The following KLHL24 variants were observed in gnomAD, a reference collection of about 807,000 sequenced individuals.
KLHL24 encodes kelch-like protein 24.
In KLHL24, 29 loss-of-function variants were observed where a neutral mutation model predicts 53.4. That is an observed-to-expected ratio of 0.54 (90% CI 0.40 to 0.74). KLHL24 has a LOEUF of 0.74. Among genes scored for constraint, KLHL24 ranks in the 30% least tolerant of loss-of-function variants. The pLI is 0.00. For missense variants in KLHL24, 504 were observed against 744.0 expected (o/e 0.68, Z 3.75); for synonymous variants, 222 against 253.7 (o/e 0.88, Z 1.19).
At chr3:183,667,492 T>C (rs1230655980) in intron 5 of KLHL24, among the ~76,000 whole-genome samples, 3 of 152,108 alleles carry the variant, frequency 2.0e-5, no homozygotes, top group Non-Finnish European at 2.9e-5. Context: ...CATAGGAGCA[T>C]GGACAGCACA....
intron 2 of KLHL24, among the ~76,000 whole-genome samples, chr3:183,649,755 G>A (rs1717869816): frequency 6.6e-6 from 1 of 151,932 alleles, no homozygotes; most frequent in South Asian, 2.1e-4. Context: ...AAATAGCCAG[G>A]CATGGTGGTA....
intron 3 of KLHL24, among the ~76,000 whole-genome samples, chr3:183,652,427 G>A (rs961562811): frequency 6.6e-6 from 1 of 151,816 alleles, no homozygotes; most frequent in African/African-American, 2.4e-5. Context: ...GCTAATGTTG[G>A]TGTTGGTTTT....
Position 183,650,509 on chromosome 3 carries a change from CA to C in KLHL24, c.154del (p.Ile52TyrfsTer62). 6.2e-7 allele frequency: 1 copy of C among 1,614,116 alleles called. No homozygotes were observed. The highest frequency in any genetic ancestry group is 8.5e-7 in the Non-Finnish European group (1 of 1,180,006). Reference sequence around the variant, plus strand: ...CTTCAGGATCATCCCATGCCGAAAACATACTCCAGATATTTAATGAATTTCG... The same window carrying C: ...CTTCAGGATCATCCCATGCCGAAAACTACTCCAGATATTTAATGAATTTCG... Reference protein sequence around the residue: ...FSSGSSHAENILQIFNEFRDS... With the variant: ...FSSGSSHAENXLQIFNEFRDS... On this transcript the variant is annotated frameshift_variant, in exon 3 of 8. Coordinates refer to ENST00000242810, the MANE Select transcript of KLHL24 (RefSeq NM_017644.3). LOFTEE classifies it high-confidence loss of function. The surrounding 1 kb of genome is among the most constrained non-coding windows in gnomAD (Gnocchi z 4.5).
intron 1 of KLHL24, chr3:183,636,726 T>C (rs1023326319): frequency 6.6e-6 from 1 of 152,160 alleles, no homozygotes; most frequent in African/African-American, 2.4e-5. Context: ...TGGGCCATTC[T>C]TCCCGCCCCC....
chr3:183,639,323 T>C (rs985038048), intron 1 of KLHL24, among the ~76,000 whole-genome samples: 1 of 151,748 alleles, frequency 6.6e-6, no homozygotes, highest in African/African-American at 2.4e-5. Flanking sequence ...AGAGAAGTCA[T>C]GTAAAATATT....
intron 1 of KLHL24, among the ~76,000 whole-genome samples, chr3:183,640,697 T>C (rs1208374920): frequency 6.6e-6 from 1 of 151,814 alleles, no homozygotes; most frequent in African/African-American, 2.4e-5. Flanking sequence ...CCTCCTGGGT[T>C]CAAGCATTTC....
At position 183,679,192 on chromosome 3, in the gene KLHL24, G is replaced by A. The variant is rs771729294; in HGVS notation, c.1709G>A (p.Ser570Asn). 1 of 1,613,828 alleles carries A rather than the reference G, an allele frequency of 6.2e-7. No individual in the cohort carries two copies. Among genetic ancestry groups the A allele is most frequent in the East Asian group, 2.2e-5 (1 of 44,894 alleles). The change falls in exon 8 of 8, where the codon AGT becomes AAT. Residue 570 changes from serine (S) to asparagine (N), a missense_variant. Coordinates refer to ENST00000242810, the MANE Select transcript of KLHL24 (RefSeq NM_017644.3). ...ATTCTCTGTTATGATCCTGCAACAA[G>A]TATCATCACAGGGGTAGCTGCAATG... is the stretch of plus-strand genomic sequence containing the variant. ...DTILCYDPAT[S>N]IITGVAAMPR...
At chr3:183,637,617 A>G (rs9858528) in intron 1 of KLHL24, among the ~76,000 whole-genome samples, 51,162 of 152,042 alleles carry the variant, frequency 0.34, 9,505 homozygotes, top group East Asian at 0.51. Flanking sequence ...TTCTGCAGAT[A>G]TAGGAATTCA....
Position 183,683,663 on chromosome 3 carries a change from G to A in KLHL24, c.*4377G>A, listed in dbSNP as rs1344257542. 3 of 152,490 alleles carry A rather than the reference G, an allele frequency of 2.0e-5. No homozygotes were observed. The highest frequency in any genetic ancestry group is 2.9e-5 in the Non-Finnish European group (2 of 68,010). 9.4% of individuals were successfully genotyped at this position (152,490 alleles called of 1,614,324 possible). On this transcript the variant is annotated 3_prime_UTR_variant, in exon 8 of 8. Transcript: ENST00000242810. ...TTGCCTTAGATATTAAATTTTCCTAGTGCTGATAAAAACAGCAACATTCAT... is the reference window on the plus strand; with the variant it reads ...TTGCCTTAGATATTAAATTTTCCTAATGCTGATAAAAACAGCAACATTCAT...
chr3:183,654,347 A>G (rs1718558879), intron 3 of KLHL24, among the ~76,000 whole-genome samples: 1 of 152,112 alleles, frequency 6.6e-6, no homozygotes, highest in Non-Finnish European at 1.5e-5. Context: ...GTACTTGCCT[A>G]GGTGACCTTA....
chr3:183,664,813 A>G, intron 4 of KLHL24, 108 bp from the exon 5 acceptor site: 1 of 540,370 alleles, frequency 1.9e-6, no homozygotes, highest in South Asian at 4.3e-5. Context: ...TTCTTGAATT[A>G]GATGAATGAA....
At position 183,643,537 on chromosome 3, in the gene KLHL24, A is replaced by G. The variant is rs907796551; in HGVS notation, c.-67A>G. On this transcript the variant is annotated 5_prime_UTR_variant, in exon 2 of 8. Coordinates refer to ENST00000242810, the MANE Select transcript of KLHL24 (RefSeq NM_017644.3). ...CTGGGGCTTTGATCAACCAAATGCT[A>G]AAAAGGTATATTTGTAATATTTATA... is the stretch of plus-strand genomic sequence containing the variant. The G allele has an allele frequency of 6.6e-6, 1 of 152,226 alleles. No individual in the cohort carries two copies. Among genetic ancestry groups the G allele is most frequent in the Non-Finnish European group, 1.5e-5 (1 of 68,046 alleles). 9.4% of individuals were successfully genotyped at this position (152,226 alleles called of 1,614,324 possible). A position where few individuals can be genotyped will look rare whatever the true frequency, so the allele number is the denominator to read the frequency against.
chr3:183,679,199 C>A lies in KLHL24; in HGVS notation c.1716C>A (p.Ile572=), dbSNP rs1712421694. 1 of 1,613,288 alleles carries A rather than the reference C, an allele frequency of 6.2e-7. No individual in the cohort carries two copies. The highest frequency in any genetic ancestry group is 1.1e-5 in the South Asian group (1 of 91,056). Residue 572 remains isoleucine (I), a synonymous_variant, in exon 8 of 8, where the codon ATC becomes ATA. Transcript: ENST00000242810. ...ILCYDPATSI[I]TGVAAMPRPV... ...GTTATGATCCTGCAACAAGTATCAT[C>A]ACAGGGGTAGCTGCAATGCCCAGGC... is the stretch of plus-strand genomic sequence containing the variant.
intron 3 of KLHL24, among the ~76,000 whole-genome samples, chr3:183,653,187 A>G (rs1718370761): frequency 6.6e-6 from 1 of 152,234 alleles, no homozygotes; most frequent in African/African-American, 2.4e-5. Flanking sequence ...AAACCAAACT[A>G]TAGTTCTGTT....
At chr3:183,638,244 CAG>C (rs1715689469) in intron 1 of KLHL24, among the ~76,000 whole-genome samples, 1 of 152,214 alleles carries the variant, frequency 6.6e-6, no homozygotes, top group South Asian at 2.1e-4. Flanking sequence ...AGTCTCTAAA[CAG>C]GAAGAAGAAA....
chr3:183,641,934 A>G (rs900313991), intron 1 of KLHL24, among the ~76,000 whole-genome samples: 1 of 152,210 alleles, frequency 6.6e-6, no homozygotes, highest in Non-Finnish European at 1.5e-5. Flanking sequence ...CTAAAAATCC[A>G]TAGAAAATGT....
At chr3:183,643,245 A>C (rs1716739666) in intron 1 of KLHL24, 1 of 152,232 alleles carries the variant, frequency 6.6e-6, no homozygotes, top group Non-Finnish European at 1.5e-5. Flanking sequence ...AACAAACAAA[A>C]AAACTGTCAA....
At chr3:183,655,554 A>T (rs1353483143) in intron 3 of KLHL24, among the ~76,000 whole-genome samples, 4 of 152,118 alleles carry the variant, frequency 2.6e-5, no homozygotes, top group South Asian at 4.1e-4. Flanking sequence ...ACTTGAGCCT[A>T]GGAGTTTGGG....
chr3:183,650,493 C>T lies in KLHL24; in HGVS notation c.137C>T (p.Ser46Leu). The part of the protein sequence containing the change: ...GHEFFDFSSG[S>L]SHAENILQIF... ...GAGTTTTTTGACTTCTCTTCAGGAT[C>T]ATCCCATGCCGAAAACATACTCCAG... Residue 46 changes from serine (S) to leucine (L), a missense_variant, in exon 3 of 8, where the codon TCA (serine) becomes TTA (leucine). Physicochemically the swap from Ser to Leu is moderately radical, Grantham distance 145. Coordinates refer to ENST00000242810, the MANE Select transcript of KLHL24 (RefSeq NM_017644.3). The surrounding 1 kb of genome is among the most constrained non-coding windows in gnomAD (Gnocchi z 4.5). The T allele has an allele frequency of 4.3e-6, 7 of 1,614,120 alleles. No individual in the cohort carries two copies. Among genetic ancestry groups the T allele is most frequent in the East Asian group, 2.2e-5 (1 of 44,880 alleles).
Sources: allele counts gnomAD v4.1 joint callset (sites outside exome capture counted in the v4.1 genomes callset), GRCh38; gene constraint gnomAD v4.1.1; non-coding constraint Gnocchi (gnomAD v3.1); transcripts MANE v1.5; gene names NCBI Gene and HGNC (gene_info 2026-07-23, HGNC 2026-07-21).